RNF14: variants seen among roughly 807,000 people sequenced by gnomAD.
The protein encoded by RNF14 is E3 ubiquitin-protein ligase RNF14.
RNF14 carries 26 observed loss-of-function variants against 52.6 expected under a neutral mutation model. The ratio of observed to expected loss-of-function variants is 0.49; its 90% CI spans 0.36 to 0.69. RNF14 has a LOEUF of 0.69. RNF14 is among the 30% of genes least tolerant of loss of function. The probability of loss-of-function intolerance (pLI) is 0.00; values close to 1 mark genes in which losing one functional copy is unlikely to be tolerated. For missense variants in RNF14, 404 were observed against 560.4 expected (o/e 0.72, Z 2.82); for synonymous variants, 194 against 202.0 (o/e 0.96, Z 0.34).
intron 6 of RNF14, among the ~76,000 whole-genome samples, chr5:141,980,909 T>C (rs184217337): frequency 1.3e-5 from 2 of 152,314 alleles, no homozygotes; most frequent in African/African-American, 4.8e-5. Context: ...TGCTTTCTCC[T>C]TGAGCCCAGA....
At chr5:141,975,415 C>T (rs970297590) in intron 4 of RNF14, among the ~76,000 whole-genome samples, 14 of 152,130 alleles carry the variant, frequency 9.2e-5, no homozygotes, top group African/African-American at 3.1e-4. Flanking sequence ...AACTGATTTT[C>T]TTTGTAAAAA....
chr5:141,982,974 A>G (rs1232685304), intron 6 of RNF14, among the ~76,000 whole-genome samples: 2 of 152,208 alleles, frequency 1.3e-5, no homozygotes, highest in Non-Finnish European at 2.9e-5. Context: ...AAAATAGCCT[A>G]TCTTATTCTA....
At chr5:141,957,571 C>G (rs749737523), upstream of RNF14, 48 of 1,614,086 alleles carry the variant, frequency 3.0e-5, no homozygotes, top group Non-Finnish European at 3.9e-5. This position sits in a 1 kb window ranked among gnomAD's most constrained non-coding sequence, Gnocchi z 4.3. Flanking sequence ...CAGCTGCTCT[C>G]GATCCAGCCG....
At chr5:141,955,034 C>G (rs1468767583), upstream of RNF14, 2 of 1,614,106 alleles carry the variant, frequency 1.2e-6, no homozygotes, top group Non-Finnish European at 1.7e-6. The surrounding 1 kb of genome is among the most constrained non-coding windows in gnomAD (Gnocchi z 5.5). Context: ...AAGGCAGCCA[C>G]AGACAGCCGG....
intron 4 of RNF14, among the ~76,000 whole-genome samples, chr5:141,978,037 G>A (rs969269622): frequency 3.3e-5 from 5 of 152,062 alleles, no homozygotes; most frequent in African/African-American, 7.2e-5. Flanking sequence ...TCTACCTTAC[G>A]GAGTCTTGCT....
At chr5:141,974,464 G>A (rs1754068318) in intron 3 of RNF14, among the ~76,000 whole-genome samples, 1 of 152,198 alleles carries the variant, frequency 6.6e-6, no homozygotes, top group Non-Finnish European at 1.5e-5. Context: ...CCTTTCTCTA[G>A]ATTGTGTCTT....
At chr5:141,954,308 G>A (rs1753139291), upstream of RNF14, among the ~76,000 whole-genome samples, 2 of 152,350 alleles carry the variant, frequency 1.3e-5, no homozygotes, top group South Asian at 4.1e-4. Context: ...GGGTTTGGGT[G>A]CAATGATGCC....
intron 4 of RNF14, among the ~76,000 whole-genome samples, chr5:141,976,415 T>G (rs908210885): frequency 6.6e-5 from 10 of 152,222 alleles, no homozygotes; most frequent in African/African-American, 2.4e-4. Context: ...AATGCTGGAT[T>G]TGGGGGCGGA....
At chr5:141,984,720 T>G in intron 7 of RNF14, 83 bp from the exon 8 acceptor site, 1 of 1,300,492 alleles carries the variant, frequency 7.7e-7, no homozygotes, top group South Asian at 1.2e-5. Flanking sequence ...ACCAAGACAA[T>G]GTTGTACTGA....
chr5:141,960,647 G>A (rs1035270243), intron 1 of RNF14, among the ~76,000 whole-genome samples: 23 of 152,162 alleles, frequency 1.5e-4, no homozygotes, highest in East Asian at 3.8e-4. Context: ...TGAGAACAGC[G>A]ACCACATGCC....
chr5:141,960,688 C>A (rs762004015), intron 1 of RNF14, among the ~76,000 whole-genome samples: 1 of 152,212 alleles, frequency 6.6e-6, no homozygotes, highest in Non-Finnish European at 1.5e-5. Flanking sequence ...TACCTACATC[C>A]TCTCATGACG....
chr5:141,956,949 T>C (rs1436304644), upstream of RNF14: 2 of 1,614,162 alleles, frequency 1.2e-6, 1 homozygote. Flanking sequence ...TGACCTGGCC[T>C]GTCTTGGCAT....
upstream of RNF14, chr5:141,956,839 A>G: frequency 6.2e-7 from 1 of 1,614,186 alleles, no homozygotes; most frequent in Non-Finnish European, 8.5e-7. Context: ...CTTGATGAGA[A>G]CTTTGCAATG....
chr5:141,954,865 T>A, upstream of RNF14: 1 of 1,402,312 alleles, frequency 7.1e-7, no homozygotes, highest in Non-Finnish European at 9.6e-7. Context: ...AAGTGCCAGG[T>A]GAGCCTAAGG....
chr5:141,987,719 T>G lies in RNF14; in HGVS notation c.1368-14T>G, dbSNP rs1426840832. On this transcript the variant is annotated splice_polypyrimidine_tract_variant and intron_variant, in intron 8 of 8. Transcript: ENST00000394520. Reference sequence around the variant, plus strand: ...TTCAAGTGTATAAAAATGTACCTTTTTTAATGCTTCCAGGCTGTTTTATGC... The same window carrying G: ...TTCAAGTGTATAAAAATGTACCTTTGTTAATGCTTCCAGGCTGTTTTATGC... The G allele has an allele frequency of 6.2e-7, 1 of 1,613,904 alleles. No homozygotes were observed. Among genetic ancestry groups the G allele is most frequent in the East Asian group, 2.2e-5 (1 of 44,874 alleles).
At chr5:141,950,891 C>G in the RNF14 span, among the ~76,000 whole-genome samples, 2 of 152,152 alleles carry the variant, frequency 1.3e-5, no homozygotes, top group African/African-American at 4.8e-5. Context: ...AATCCTCACC[C>G]CATTACCACA....
chr5:141,957,546 A>G (rs762984233), upstream of RNF14: 5 of 1,614,082 alleles, frequency 3.1e-6, no homozygotes, highest in African/African-American at 6.7e-5. This position sits in a 1 kb window ranked among gnomAD's most constrained non-coding sequence, Gnocchi z 4.3. Flanking sequence ...CCAGGCAGGG[A>G]TCCCACTGTC....
rs1472320045 is a variant in RNF14, at chr5:141,989,178, T to C, written c.*1388T>C. 1 of 152,334 alleles carries C rather than the reference T, an allele frequency of 6.6e-6. No homozygotes were observed. Among genetic ancestry groups the C allele is most frequent in the Non-Finnish European group, 1.5e-5 (1 of 68,040 alleles). The allele number at this position is 152,334 out of a possible 1,614,324, so 9.4% of individuals were successfully genotyped here. On this transcript the variant is annotated 3_prime_UTR_variant, in exon 9 of 9. Coordinates refer to ENST00000394520, the MANE Select transcript of RNF14 (RefSeq NM_004290.5). ...AATAAAAATAAATTTAAAAATCATC[T>C]TATAATTAGAACAGAGTTGCTGCTA...
At chr5:141,966,052 G>A (rs961698269), upstream of RNF14, among the ~76,000 whole-genome samples, 2 of 151,502 alleles carry the variant, frequency 1.3e-5, no homozygotes, top group African/African-American at 2.4e-5. Context: ...AAGCCAAAGC[G>A]GGTGGATCAC....
Sources: gnomAD v4.1 joint callset for allele counts (sites outside exome capture counted in the v4.1 genomes callset) on GRCh38, gnomAD v4.1.1 for gene constraint, Gnocchi (gnomAD v3.1) non-coding constraint, MANE v1.5 for transcripts, NCBI Gene and HGNC (gene_info 2026-07-23, HGNC 2026-07-21) for gene names.